Variants in CTIF observed in about 807,000 individuals in gnomAD.
The protein encoded by CTIF is cap binding complex dependent translation initiation factor.
Under a neutral mutation model 66.0 loss-of-function variants are expected in CTIF, and 21 were observed. The observed-to-expected ratio is 0.32, with a 90% CI of 0.23 to 0.46. The LOEUF (loss-of-function observed/expected upper bound fraction) is 0.46, where lower values mean the gene tolerates loss of function less well. Among genes scored for constraint, CTIF ranks in the 20% least tolerant of loss-of-function variants. The pLI, the probability that CTIF is intolerant of heterozygous loss-of-function variation, is 1.00. For synonymous variants in CTIF, 345 were observed against 326.4 expected (o/e 1.06, Z -0.62); for missense variants, 739 against 812.7 (o/e 0.91, Z 1.10).
intron 9 of CTIF, among the ~76,000 whole-genome samples, chr18:48,805,343 G>T (rs1403661078): frequency 1.3e-5 from 2 of 152,020 alleles, no homozygotes; most frequent in Non-Finnish European, 2.9e-5. Context: ...AGCCATGGGG[G>T]CCAGGCCGCA....
At chr18:48,559,338 G>A (rs1000229781) in intron 1 of CTIF, among the ~76,000 whole-genome samples, 1 of 151,958 alleles carries the variant, frequency 6.6e-6, no homozygotes, top group Non-Finnish European at 1.5e-5. Context: ...AATGTTAAAT[G>A]AGGTCTGTAG....
At chr18:48,711,771 T>C in intron 7 of CTIF, 76 bp downstream of exon 7, 1 of 1,272,174 alleles carries the variant, frequency 7.9e-7, no homozygotes, top group Admixed American at 1.7e-5. Context: ...AGCTTTGGCC[T>C]GCATTTCGCT....
At chr18:48,626,747 C>T (rs2090612099) in intron 2 of CTIF, among the ~76,000 whole-genome samples, 1 of 151,028 alleles carries the variant, frequency 6.6e-6, no homozygotes, top group Admixed American at 6.6e-5. Flanking sequence ...CCTCTGCCTC[C>T]CGGGTTCAAG....
intron 10 of CTIF, among the ~76,000 whole-genome samples, chr18:48,839,133 C>T (rs1329127705): frequency 3.3e-5 from 5 of 152,200 alleles, no homozygotes; most frequent in South Asian, 2.1e-4. Context: ...TGCCTCTCCA[C>T]GGCTCGGCTA....
chr18:48,565,236 C>A (rs937455344), intron 1 of CTIF: 2 of 152,176 alleles, frequency 1.3e-5, no homozygotes, highest in Non-Finnish European at 1.5e-5. Flanking sequence ...TGCTGTGGCA[C>A]TGCCTTCATC....
At chr18:48,594,549 G>T (rs903689014) in intron 1 of CTIF, among the ~76,000 whole-genome samples, 1 of 152,084 alleles carries the variant, frequency 6.6e-6, no homozygotes, top group African/African-American at 2.4e-5. Flanking sequence ...TCTGGAATGA[G>T]TCCTCACACA....
intron 5 of CTIF, 33 bp from the exon 6 acceptor site, chr18:48,670,636 C>T (rs2091517270): frequency 5.0e-6 from 8 of 1,601,948 alleles, no homozygotes; most frequent in Non-Finnish European, 6.8e-6. Flanking sequence ...AATGAGCCAT[C>T]TTTCCAATGC....
At chr18:48,560,576 C>T (rs1354655084) in intron 1 of CTIF, among the ~76,000 whole-genome samples, 1 of 151,712 alleles carries the variant, frequency 6.6e-6, no homozygotes, top group East Asian at 2.0e-4. Flanking sequence ...AATATCCTTC[C>T]TTCTTTTTCT....
intron 3 of CTIF, among the ~76,000 whole-genome samples, chr18:48,637,989 C>G (rs991022076): frequency 2.0e-5 from 3 of 152,090 alleles, no homozygotes; most frequent in Non-Finnish European, 4.4e-5. Context: ...ACGGAGGTGC[C>G]ACTTGTCTGC....
At chr18:48,800,490 C>A (rs1465722862) in intron 9 of CTIF, among the ~76,000 whole-genome samples, 1 of 152,208 alleles carries the variant, frequency 6.6e-6, no homozygotes, top group Non-Finnish European at 1.5e-5. Flanking sequence ...TACTGTTCTC[C>A]CTCCTGTCTG....
In CTIF at chr18:48,747,694, C is replaced by T. The variant is rs191043012; in HGVS notation, c.585-10225C>T. 2.8e-3 allele frequency among the ~76,000 whole-genome samples: 428 copies of T among 151,686 alleles called. 3 individuals are homozygous for T. The highest frequency in any genetic ancestry group is 9.7e-3 in the African/African-American group (401 of 41,348). On this transcript the variant is annotated intron_variant, in intron 7 of 11. Coordinates refer to ENST00000256413, the MANE Select transcript of CTIF (RefSeq NM_014772.3). ...GGCCAAGGTAGAAGGATTGCTTCAG[C>T]CCAGGAGTTCAAGACCAGCATGGGC...
intron 1 of CTIF, among the ~76,000 whole-genome samples, chr18:48,583,735 G>C (rs533502173): frequency 6.6e-5 from 10 of 152,230 alleles, no homozygotes; most frequent in Non-Finnish European, 1.5e-4. Flanking sequence ...CAGTCGACCA[G>C]TGGGAAGTTG....
At chr18:48,639,503 G>C (rs2090888082) in intron 3 of CTIF, among the ~76,000 whole-genome samples, 1 of 152,174 alleles carries the variant, frequency 6.6e-6, no homozygotes, top group South Asian at 2.1e-4. Context: ...TGCACCTCCT[G>C]GATGGATGGC....
intron 10 of CTIF, among the ~76,000 whole-genome samples, chr18:48,856,146 G>A (rs2069323251): frequency 1.3e-5 from 2 of 152,220 alleles, no homozygotes; most frequent in South Asian, 2.1e-4. Context: ...GGTCCGTGGG[G>A]CTTGGTGAGC....
At chr18:48,638,744 G>A (rs1159415344) in intron 3 of CTIF, among the ~76,000 whole-genome samples, 3 of 152,240 alleles carry the variant, frequency 2.0e-5, no homozygotes, top group South Asian at 2.1e-4. Context: ...TTGACAAAAC[G>A]AAATATAACT....
intron 9 of CTIF, among the ~76,000 whole-genome samples, chr18:48,810,194 T>C (rs2068231104): frequency 6.6e-6 from 1 of 152,146 alleles, no homozygotes; most frequent in Admixed American, 6.5e-5. Context: ...GTTTTACGCT[T>C]ACAGCCCATA....
chr18:48,574,267 G>T (rs577358032), intron 1 of CTIF, among the ~76,000 whole-genome samples: 5 of 152,334 alleles, frequency 3.3e-5, no homozygotes, highest in African/African-American at 1.2e-4. Context: ...TGGCTTTGTG[G>T]TGAATGGGCT....
intron 3 of CTIF, among the ~76,000 whole-genome samples, chr18:48,654,134 A>C (rs1213046754): frequency 1.3e-5 from 2 of 152,240 alleles, no homozygotes. Flanking sequence ...ATGGGATCTA[A>C]CTAAACTAAA....
intron 10 of CTIF, among the ~76,000 whole-genome samples, chr18:48,842,348 A>C (rs1182060935): frequency 6.6e-6 from 1 of 152,198 alleles, no homozygotes; most frequent in Non-Finnish European, 1.5e-5. Context: ...CCTGTGAGGC[A>C]GGAGGCCTGG....
Sources: gnomAD v4.1 joint callset for allele counts (sites outside exome capture counted in the v4.1 genomes callset) on GRCh38, gnomAD v4.1.1 for gene constraint, MANE v1.5 for transcripts, NCBI Gene and HGNC (gene_info 2026-07-23, HGNC 2026-07-21) for gene names.